CNTNAP2: variants seen among roughly 807,000 people sequenced by gnomAD.
CNTNAP2 encodes contactin associated protein 2, also known as contactin-associated protein-like 2.
Under a neutral mutation model 155.2 loss-of-function variants are expected in CNTNAP2, and 98 were observed. The observed-to-expected ratio is 0.63, with a 90% CI of 0.54 to 0.75. CNTNAP2 has a LOEUF of 0.75. CNTNAP2 is among the 30% of genes least tolerant of loss of function. The pLI, the probability that CNTNAP2 is intolerant of heterozygous loss-of-function variation, is 0.00. For synonymous variants in CNTNAP2, 651 were observed against 631.2 expected, an observed-to-expected ratio of 1.03 and a Z score of -0.47; for missense variants, 1,727 against 1,688.1, an observed-to-expected ratio of 1.02 and a Z score of -0.40.
At chr7:147,129,437 A>C (rs2129284549) in intron 7 of CNTNAP2, among the ~76,000 whole-genome samples, 1 of 152,250 alleles carries the variant, frequency 6.6e-6, no homozygotes, top group Admixed American at 6.5e-5. Context: ...AGGTTTCATT[A>C]GATTTTGGAA....
intron 13 of CNTNAP2, among the ~76,000 whole-genome samples, chr7:147,651,383 G>A (rs1180774990): frequency 1.3e-5 from 2 of 152,212 alleles, no homozygotes; most frequent in African/African-American, 4.8e-5. Context: ...TTTACAAAAT[G>A]CCTATGCAGC....
At chr7:146,829,260 C>A (rs1803464653) in intron 2 of CNTNAP2, among the ~76,000 whole-genome samples, 2 of 151,868 alleles carry the variant, frequency 1.3e-5, no homozygotes, top group South Asian at 4.1e-4. Context: ...GACAGATTTT[C>A]TTTTGTTTGC....
intron 21 of CNTNAP2, among the ~76,000 whole-genome samples, chr7:148,289,580 C>G (rs1457861715): frequency 1.6e-5 from 1 of 61,236 alleles, no homozygotes; most frequent in Non-Finnish European, 3.0e-5. Context: ...CACACTCACA[C>G]TCACACACAC....
chr7:147,443,895 A>T (rs892667580), intron 10 of CNTNAP2, among the ~76,000 whole-genome samples: 2 of 152,200 alleles, frequency 1.3e-5, no homozygotes, highest in Non-Finnish European at 2.9e-5. Context: ...CAGGAAGATT[A>T]TCTCCTCCAA....
At chr7:146,426,132 G>A (rs981704856) in intron 1 of CNTNAP2, among the ~76,000 whole-genome samples, 8 of 132,482 alleles carry the variant, frequency 6.0e-5, no homozygotes, top group African/African-American at 1.7e-4. Context: ...GCTGCAGCGA[G>A]CCAAGATCGC....
intron 1 of CNTNAP2, among the ~76,000 whole-genome samples, chr7:146,544,384 T>G (rs887476882): frequency 1.1e-4 from 16 of 152,000 alleles, no homozygotes; most frequent in Middle Eastern, 3.2e-3. Flanking sequence ...TCCAGGCAAG[T>G]GAGGCCTTTG....
chr7:146,460,740 C>G (rs921150275), intron 1 of CNTNAP2, among the ~76,000 whole-genome samples: 1 of 152,250 alleles, frequency 6.6e-6, no homozygotes, highest in African/African-American at 2.4e-5. Flanking sequence ...ACAAACACTG[C>G]ATCTCACTTA....
Position 147,058,841 on chromosome 7 carries a change from G to A in CNTNAP2, c.550+14787G>A, listed in dbSNP as rs560223386. ...AGGCTGGTTTTGAGCTCCTGACCTCGTGATCCACCTGCCTTGGCCTCCCAA... is the reference window on the plus strand; with the variant it reads ...AGGCTGGTTTTGAGCTCCTGACCTCATGATCCACCTGCCTTGGCCTCCCAA... On this transcript the variant is annotated intron_variant, in intron 4 of 23. Coordinates refer to ENST00000361727, the MANE Select transcript of CNTNAP2 (RefSeq NM_014141.6). 1.2e-4 allele frequency among the ~76,000 whole-genome samples: 18 copies of A among 152,264 alleles called. No homozygotes were observed. In the East Asian group the frequency reaches 2.9e-3, roughly 25 times the overall value.
chr7:147,596,506 A>G (rs960216840), intron 12 of CNTNAP2, among the ~76,000 whole-genome samples: 1 of 151,748 alleles, frequency 6.6e-6, no homozygotes, highest in Admixed American at 6.6e-5. Flanking sequence ...GGTGCTTCCT[A>G]TCATTCTTTG....
chr7:148,354,683 C>CTT (rs78922300), intron 21 of CNTNAP2, among the ~76,000 whole-genome samples: 11 of 145,062 alleles, frequency 7.6e-5, no homozygotes, highest in African/African-American at 2.5e-4. Context: ...AAAAGGCTTT[C>CTT]TTTTTTTTTT....
intron 13 of CNTNAP2, among the ~76,000 whole-genome samples, chr7:147,873,643 T>G (rs1294000642): frequency 6.6e-6 from 1 of 152,140 alleles, no homozygotes; most frequent in African/African-American, 2.4e-5. Context: ...ACAGCCAAAC[T>G]ATATCATTCT....
intron 1 of CNTNAP2, among the ~76,000 whole-genome samples, chr7:146,618,536 AT>A (rs1244805536): frequency 3.9e-5 from 6 of 152,300 alleles, no homozygotes; most frequent in African/African-American, 1.4e-4. Flanking sequence ...GAATGAGTGT[AT>A]TTTTCAAAAT....
At chr7:147,838,836 C>T (rs1404293398) in intron 13 of CNTNAP2, among the ~76,000 whole-genome samples, 1 of 152,166 alleles carries the variant, frequency 6.6e-6, no homozygotes, top group Non-Finnish European at 1.5e-5. Flanking sequence ...TCCAAAATTG[C>T]TTCCACATTT....
At chr7:146,499,184 G>A (rs6946603) in intron 1 of CNTNAP2, among the ~76,000 whole-genome samples, 13,075 of 152,104 alleles carry the variant, frequency 0.086, 1,511 homozygotes, top group African/African-American at 0.26. Flanking sequence ...TTATTTAGCT[G>A]AATATATATA....
rs571249093 is a variant in CNTNAP2 at position 146,466,594 on chromosome 7, C to T, written c.98-307677C>T. ...TTCCTTTATTCATTTGGACAGCTTT[C>T]CCCAACAATATTTATTCTAGATTCC... On this transcript the variant is annotated intron_variant, in intron 1 of 23. Transcript: ENST00000361727. 2.6e-5 allele frequency among the ~76,000 whole-genome samples: 4 copies of T among 151,924 alleles called. No individual in the cohort carries two copies. In the South Asian group the frequency reaches 6.2e-4, roughly 24 times the overall value.
intron 1 of CNTNAP2, among the ~76,000 whole-genome samples, chr7:146,434,415 T>G (rs1195911037): frequency 1.3e-5 from 2 of 152,338 alleles, no homozygotes; most frequent in East Asian, 3.9e-4. Context: ...ATCCACAGGC[T>G]AATTTTCACA....
At chr7:146,859,058 G>A (rs1562976180) in intron 3 of CNTNAP2, among the ~76,000 whole-genome samples, 2 of 152,120 alleles carry the variant, frequency 1.3e-5, no homozygotes, top group Non-Finnish European at 2.9e-5. Flanking sequence ...TCCTATAAAT[G>A]AAATCTTAAT....
intron 11 of CNTNAP2, among the ~76,000 whole-genome samples, chr7:147,523,775 G>A (rs1005808637): frequency 6.6e-6 from 1 of 152,134 alleles, no homozygotes; most frequent in African/African-American, 2.4e-5. Flanking sequence ...CCCATGCCTA[G>A]TTCACAGCAC....
At chr7:147,295,589 A>G (rs568289338) in intron 8 of CNTNAP2, among the ~76,000 whole-genome samples, 1 of 152,302 alleles carries the variant, frequency 6.6e-6, no homozygotes, top group South Asian at 2.1e-4. Context: ...ACTTTATACT[A>G]TATATGCTGA....
Sources: allele counts gnomAD v4.1 joint callset (sites outside exome capture counted in the v4.1 genomes callset), GRCh38; gene constraint gnomAD v4.1.1; transcripts MANE v1.5; gene names NCBI Gene and HGNC (gene_info 2026-07-23, HGNC 2026-07-21).